Variants in SEC31A observed in about 807,000 individuals in gnomAD.
SEC31A encodes the protein protein transport protein Sec31A.
Under a neutral mutation model 151.0 loss-of-function variants are expected in SEC31A, and 70 were observed. That is an observed-to-expected ratio of 0.46 (90% CI 0.38 to 0.57). The LOEUF is 0.57. Among genes scored for constraint, SEC31A ranks in the 20% least tolerant of loss-of-function variants. The pLI is 0.00. For synonymous variants in SEC31A, 475 were observed against 505.9 expected (o/e 0.94, Z 0.82); for missense variants, 1,330 against 1,471.2 (o/e 0.90, Z 1.57).
At chr4:82,837,593 T>C (rs571690907) in intron 22 of SEC31A, among the ~76,000 whole-genome samples, 77 of 152,268 alleles carry the variant, frequency 5.1e-4, no homozygotes, top group Middle Eastern at 3.4e-3. Context: ...CCATGTTGCC[T>C]AGGCTGGTCT....
rs571983154 is a variant in SEC31A, at chr4:82,877,207, G to A, written c.403-1385C>T. Among the ~76,000 whole-genome samples the A allele has an allele frequency of 6.8e-4, 103 of 152,058 alleles. 3 individuals carry two copies. The South Asian group carries it at 0.021, about 31-fold the overall frequency. On this transcript the variant is annotated intron_variant, in intron 4 of 26. Coordinates refer to ENST00000395310, the MANE Select transcript of SEC31A (RefSeq NM_001077207.4). ...GCCACTGCAGTCCAGCCTGGCAGAG[G>A]GAGCAAGACGCTGTTTCAAAAAACA...
intron 5 of SEC31A, among the ~76,000 whole-genome samples, 166 bp from the exon 6 acceptor site, chr4:82,874,917 A>G (rs1439218984): frequency 6.6e-6 from 1 of 152,178 alleles, no homozygotes; most frequent in Non-Finnish European, 1.5e-5. Context: ...TCAACACATA[A>G]AATTATATGA....
rs148069656 is a variant in SEC31A, at chr4:82,846,066, C to G, written c.2503-1557G>C. Among the ~76,000 whole-genome samples the G allele has an allele frequency of 9.9e-3, 1,506 of 152,122 alleles. 25 individuals are homozygous for G. The highest frequency in any genetic ancestry group is 0.034 in the African/African-American group (1,408 of 41,490). ...GTCGCTAGGCTGAAGTGCAGTGGTG[C>G]GATCTCAGCTCACTGCAAACTCCGC... On this transcript the variant is annotated intron_variant, in intron 20 of 26. Coordinates refer to ENST00000395310, the MANE Select transcript of SEC31A (RefSeq NM_001077207.4).
chr4:82,862,472 TC>T (rs1734417312), intron 13 of SEC31A, 61 bp downstream of exon 13: 2 of 1,236,670 alleles, frequency 1.6e-6, no homozygotes, highest in Admixed American at 3.5e-5. Context: ...AAATGATATT[TC>T]CTTCTTCGTT....
intron 1 of SEC31A, 42 bp from the exon 2 acceptor site, chr4:82,881,982 G>T: frequency 6.9e-7 from 1 of 1,440,882 alleles, no homozygotes; most frequent in Non-Finnish European, 9.8e-7. Flanking sequence ...TGAATGACTT[G>T]AATGTCTAAC....
rs1196106266 is a variant in SEC31A, at chr4:82,870,837, A to G, written c.783-413T>C. 3.3e-5 allele frequency among the ~76,000 whole-genome samples: 5 copies of G among 152,274 alleles called. No individual in the cohort carries two copies. The East Asian group carries it at 9.6e-4, about 29-fold the overall frequency. ...GATGTTCAATGTAGTGCAGTGTATGACAGCAAAAAAGTGAAAACAAATGCC... is the reference window on the plus strand; with the variant it reads ...GATGTTCAATGTAGTGCAGTGTATGGCAGCAAAAAAGTGAAAACAAATGCC... On this transcript the variant is annotated intron_variant, in intron 7 of 26. Transcript: ENST00000395310.
Position 82,891,145 on chromosome 4 carries a change from C to T in SEC31A, c.-62G>A. ...TTAGTGCAGCGCTCGTCGGACTCTC[C>T]CAGCATTCGCCGCCGCCCCTCCTCC... On this transcript the variant is annotated 5_prime_UTR_variant, in exon 1 of 27. Coordinates refer to ENST00000395310, the MANE Select transcript of SEC31A (RefSeq NM_001077207.4). 1.3e-6 allele frequency: 2 copies of T among 1,535,850 alleles called. No homozygotes were observed. Among genetic ancestry groups the T allele is most frequent in the African/African-American group, 2.7e-5 (2 of 73,138 alleles).
intron 24 of SEC31A, among the ~76,000 whole-genome samples, chr4:82,825,432 A>G (rs1437764328): frequency 6.6e-6 from 1 of 152,250 alleles, no homozygotes; most frequent in Non-Finnish European, 1.5e-5. Flanking sequence ...AAAAGATGCT[A>G]TAACTGAGAT....
chr4:82,822,848 C>CT (rs2148928570), intron 25 of SEC31A, among the ~76,000 whole-genome samples: 1 of 152,242 alleles, frequency 6.6e-6, no homozygotes, highest in South Asian at 2.1e-4. Context: ...TGGCACATGC[C>CT]TGTAATTCCA....
At chr4:82,898,725 C>T (rs1720165518) in intron 3 of SEC31A, among the ~76,000 whole-genome samples, 1 of 152,330 alleles carries the variant, frequency 6.6e-6, no homozygotes, top group East Asian at 1.9e-4. Context: ...GAGACAGCCA[C>T]TTCACATGCA....
At chr4:82,849,613 C>CAAA (rs5859835) in intron 19 of SEC31A, among the ~76,000 whole-genome samples, 11 of 109,522 alleles carry the variant, frequency 1.0e-4, no homozygotes, top group Non-Finnish European at 1.6e-4. Flanking sequence ...GAATCCGTCT[C>CAAA]AAAAAAAAAA....
rs1395861394 is a variant in SEC31A at position 82,874,598 on chromosome 4, A to G, written c.639+13T>C. ...AATACAACATGTTCATCACAAGTCA[A>G]TCACATACTTACTCTGTTACTATGG... On this transcript the variant is annotated intron_variant, in intron 6 of 26. Coordinates refer to ENST00000395310, the MANE Select transcript of SEC31A (RefSeq NM_001077207.4). 1.9e-6 allele frequency: 3 copies of G among 1,592,250 alleles called. No individual in the cohort carries two copies. The highest frequency in any genetic ancestry group is 2.2e-5 in the East Asian group (1 of 44,448).
rs754530660 is a variant in SEC31A at position 82,856,944 on chromosome 4, T to A, written c.1881+8A>T. On this transcript the variant is annotated splice_region_variant and intron_variant, in intron 16 of 26. Transcript: ENST00000395310. ...AATACGTTATTGCTTATTTTTAAAA[T>A]AACATACCCTGGTAATTTTGCTTTG... is the stretch of plus-strand genomic sequence containing the variant. The A allele has an allele frequency of 1.9e-6, 3 of 1,595,128 alleles. No individual in the cohort carries two copies. In the South Asian group the frequency reaches 3.4e-5, roughly 18 times the overall value.
chr4:82,854,059 A>T (rs1732040861), intron 17 of SEC31A, among the ~76,000 whole-genome samples: 1 of 152,234 alleles, frequency 6.6e-6, no homozygotes, highest in Non-Finnish European at 1.5e-5. Context: ...TCTAGTATAA[A>T]TTACTTATAA....
At chr4:82,847,824 T>C (rs1045822732) in intron 20 of SEC31A, among the ~76,000 whole-genome samples, 2 of 152,116 alleles carry the variant, frequency 1.3e-5, no homozygotes, top group African/African-American at 2.4e-5. Context: ...CTTAAAAAAA[T>C]ATTTGTCAAA....
intron 20 of SEC31A, among the ~76,000 whole-genome samples, chr4:82,846,043 C>T (rs1443067546): frequency 2.0e-5 from 3 of 152,112 alleles, no homozygotes; most frequent in South Asian, 2.1e-4. Context: ...CTCACTCTGT[C>T]GCTAGGCTGA....
At chr4:82,828,920 G>T (rs2149027106) in intron 23 of SEC31A, 80 bp downstream of exon 23, 2 of 1,085,120 alleles carry the variant, frequency 1.8e-6, no homozygotes, top group East Asian at 4.7e-5. Context: ...AAAAGGATCA[G>T]TGAAGTATAG....
In SEC31A at chr4:82,829,036, G is replaced by A. The variant is rs747620041; in HGVS notation, c.2991C>T (p.Asp997=). The A allele has an allele frequency of 6.2e-6, 10 of 1,613,422 alleles. No individual in the cohort carries two copies. In the African/African-American group the frequency reaches 6.7e-5, roughly 11 times the overall value. ...QRTGPQNGWN[D]PPALNRVPKK... ...TGGGTACTCTGTTCAAAGCTGGAGG[G>A]TCATTCCAACCATTCTGAGGACCTA... The change falls in exon 23 of 27, where the codon GAC becomes GAT. Residue 997 remains aspartate, a synonymous_variant. Coordinates refer to ENST00000395310, the MANE Select transcript of SEC31A (RefSeq NM_001077207.4).
intron 17 of SEC31A, 92 bp downstream of exon 17, chr4:82,854,811 A>C: frequency 7.8e-7 from 1 of 1,290,074 alleles, no homozygotes; most frequent in Non-Finnish European, 1.0e-6. Context: ...GTAGATTTTA[A>C]AAAGTTTCTA....
Sources: allele counts gnomAD v4.1 joint callset (sites outside exome capture counted in the v4.1 genomes callset), GRCh38; gene constraint gnomAD v4.1.1; transcripts MANE v1.5; gene names NCBI Gene and HGNC (gene_info 2026-07-23, HGNC 2026-07-21).